The following LOC122526780 variants were observed in gnomAD, a reference collection of about 807,000 sequenced individuals.
chr17:6,637,820 C>G, the LOC122526780 span: 1 of 152,392 alleles, frequency 6.6e-6, no homozygotes, highest in African/African-American at 2.4e-5. Flanking sequence ...CTGGGAGCCA[C>G]GGGCACCCCA....
chr17:6,637,825 A>G, the LOC122526780 span: 1 of 151,346 alleles, frequency 6.6e-6, no homozygotes, highest in East Asian at 2.0e-4. Context: ...AGCCACGGGC[A>G]CCCCACTAGC....
the LOC122526780 span, chr17:6,637,354 C>T: frequency 6.6e-6 from 1 of 152,308 alleles, no homozygotes; most frequent in African/African-American, 2.4e-5. Context: ...GCCTGTCTCC[C>T]CCTCCACAGG....
At chr17:6,637,244 C>G in the LOC122526780 span, 1 of 152,636 alleles carries the variant, frequency 6.6e-6, no homozygotes, top group Non-Finnish European at 1.5e-5. Flanking sequence ...GCCATGGGAG[C>G]TCCTACAGCT....
At chr17:6,637,137 T>A in the LOC122526780 span, 1 of 152,558 alleles carries the variant, frequency 6.6e-6, no homozygotes, top group African/African-American at 2.4e-5. Flanking sequence ...CCACTCCCCC[T>A]GTGGACTGTC....
At chr17:6,637,840 G>A in the LOC122526780 span, 1 of 152,494 alleles carries the variant, frequency 6.6e-6, no homozygotes, top group African/African-American at 2.4e-5. Flanking sequence ...ACTAGCTGCA[G>A]ACAGCCCCAC....
the LOC122526780 span, chr17:6,638,807 C>G: frequency 6.5e-6 from 1 of 153,026 alleles, no homozygotes. Flanking sequence ...TGTCCCGCTC[C>G]CCACAGCCCT....
chr17:6,637,983 C>T, the LOC122526780 span: 1 of 152,616 alleles, frequency 6.6e-6, no homozygotes, highest in African/African-American at 2.4e-5. Context: ...CCCTGACCCT[C>T]TGTCTCTGTC....
At chr17:6,637,628 G>C in the LOC122526780 span, 1 of 152,526 alleles carries the variant, frequency 6.6e-6, no homozygotes, top group African/African-American at 2.4e-5. Context: ...CCTGTAGTCT[G>C]TCTGCCTCCC....
At chr17:6,637,447 T>A in the LOC122526780 span, 1 of 152,174 alleles carries the variant, frequency 6.6e-6, no homozygotes, top group African/African-American at 2.4e-5. Context: ...AGAGCCCGTA[T>A]CCCCTACCAT....
the LOC122526780 span, chr17:6,638,227 G>A: frequency 6.6e-6 from 1 of 151,740 alleles, no homozygotes; most frequent in Admixed American, 6.6e-5. Context: ...TGAAGCCACG[G>A]ATTCCTCCCC....
the LOC122526780 span, chr17:6,638,032 C>T: frequency 6.5e-6 from 1 of 152,816 alleles, no homozygotes; most frequent in Non-Finnish European, 1.5e-5. Flanking sequence ...AGTCTCCCCC[C>T]CAAGCCCAGG....
the LOC122526780 span, chr17:6,637,231 C>T: frequency 6.6e-6 from 1 of 152,620 alleles, no homozygotes; most frequent in Non-Finnish European, 1.5e-5. Flanking sequence ...AGGCGCACGC[C>T]CTGCCATGGG....
At chr17:6,639,427 T>G in the LOC122526780 span, 2 of 152,096 alleles carry the variant, frequency 1.3e-5, no homozygotes, top group African/African-American at 2.4e-5. This position sits in a 1 kb window ranked among gnomAD's most constrained non-coding sequence, Gnocchi z 4.3. Context: ...GACAAACCCA[T>G]AGCCTATCTC....
chr17:6,637,935 C>G, the LOC122526780 span: 1 of 152,894 alleles, frequency 6.5e-6, no homozygotes, highest in Non-Finnish European at 1.5e-5. Flanking sequence ...CAGAACCAGG[C>G]ACCCTAGGAG....
the LOC122526780 span, chr17:6,638,151 G>A: frequency 6.6e-6 from 1 of 152,114 alleles, no homozygotes; most frequent in Admixed American, 6.6e-5. Flanking sequence ...CCCGAGCCAC[G>A]TGTCCCCCTG....
At chr17:6,637,898 A>T in the LOC122526780 span, 1 of 152,696 alleles carries the variant, frequency 6.5e-6, no homozygotes, top group Non-Finnish European at 1.5e-5. Context: ...AAGCCTGAAA[A>T]GCCTCCATCA....
chr17:6,639,442 C>T, the LOC122526780 span: 1 of 152,492 alleles, frequency 6.6e-6, no homozygotes, highest in Non-Finnish European at 1.5e-5. The surrounding 1 kb of genome is among the most constrained non-coding windows in gnomAD (Gnocchi z 4.3). Context: ...TATCTCCTCC[C>T]CAGTCTCAGG....
At chr17:6,638,673 C>G in the LOC122526780 span, 3 of 153,096 alleles carry the variant, frequency 2.0e-5, no homozygotes, top group East Asian at 5.8e-4. Context: ...CAAGCCCAGG[C>G]ACTGCCTCGG....
chr17:6,638,767 A>G, the LOC122526780 span: 1 of 152,868 alleles, frequency 6.5e-6, no homozygotes, highest in African/African-American at 2.4e-5. Context: ...GGCTCCAGGT[A>G]CCACCACAGC....
Sources: allele counts gnomAD v4.1 joint callset, GRCh38; gene constraint gnomAD v4.1.1; non-coding constraint Gnocchi (gnomAD v3.1); transcripts MANE v1.5.